Variants in LRP1B observed in about 807,000 individuals in gnomAD.
The protein encoded by LRP1B is LDL receptor related protein 1B, also known as low-density lipoprotein receptor-related protein 1B.
In LRP1B, 217 loss-of-function variants were observed where a neutral mutation model predicts 556.6. The ratio of observed to expected loss-of-function variants is 0.39; its 90% CI spans 0.35 to 0.44. LRP1B has a LOEUF of 0.44. Among genes scored for constraint, LRP1B ranks in the 20% least tolerant of loss-of-function variants. LRP1B has a pLI of 1.00. For synonymous variants in LRP1B, 2,047 were observed against 1,865.8 expected, an observed-to-expected ratio of 1.10 and a Z score of -2.50; for missense variants, 5,053 against 5,620.8, an observed-to-expected ratio of 0.90 and a Z score of 3.23.
intron 2 of LRP1B, among the ~76,000 whole-genome samples, chr2:141,768,194 T>C (rs1240439426): frequency 1.3e-5 from 2 of 152,156 alleles, no homozygotes; most frequent in African/African-American, 4.8e-5. Context: ...TAATATTCTT[T>C]CCATGCACTT....
chr2:140,884,976 G>A (rs1248963044), intron 24 of LRP1B, among the ~76,000 whole-genome samples: 2 of 152,116 alleles, frequency 1.3e-5, no homozygotes, highest in Non-Finnish European at 2.9e-5. Flanking sequence ...GCCTCCCAAA[G>A]TGCTGGGGTT....
intron 2 of LRP1B, among the ~76,000 whole-genome samples, chr2:141,685,658 G>A (rs1558803497): frequency 6.6e-6 from 1 of 152,036 alleles, no homozygotes; most frequent in Non-Finnish European, 1.5e-5. Context: ...ATGTAGAAAG[G>A]TCAGGCAAAG....
At chr2:140,396,666 CTATT>C (rs777840478) in intron 66 of LRP1B, among the ~76,000 whole-genome samples, 2 of 152,114 alleles carry the variant, frequency 1.3e-5, no homozygotes, top group Non-Finnish European at 2.9e-5. Flanking sequence ...ATAGTAAACA[CTATT>C]TAATAGCTAG....
intron 67 of LRP1B, among the ~76,000 whole-genome samples, chr2:140,385,042 G>T (rs1683697681): frequency 6.6e-6 from 1 of 152,080 alleles, no homozygotes; most frequent in East Asian, 1.9e-4. Context: ...GGGCCCAAAA[G>T]TTAGAGATCA....
intron 11 of LRP1B, among the ~76,000 whole-genome samples, chr2:141,040,087 T>A (rs912986458): frequency 6.6e-6 from 1 of 152,098 alleles, no homozygotes; most frequent in Non-Finnish European, 1.5e-5. Flanking sequence ...TTGACAAATA[T>A]CTCCTTTACA....
At chr2:142,000,070 A>G (rs959338049) in intron 1 of LRP1B, among the ~76,000 whole-genome samples, 5 of 151,198 alleles carry the variant, frequency 3.3e-5, no homozygotes, top group African/African-American at 9.7e-5. Flanking sequence ...AAAGTATAAG[A>G]TGATAACAAT....
chr2:140,439,222 A>G (rs139897027), intron 66 of LRP1B, among the ~76,000 whole-genome samples: 104 of 152,290 alleles, frequency 6.8e-4, no homozygotes, highest in Non-Finnish European at 1.3e-3. Flanking sequence ...AGCTGCTACA[A>G]TTGGGATATT....
intron 2 of LRP1B, among the ~76,000 whole-genome samples, chr2:141,695,854 A>G (rs1449303292): frequency 6.6e-6 from 1 of 151,968 alleles, no homozygotes; most frequent in Non-Finnish European, 1.5e-5. Flanking sequence ...GCTGTGGCCT[A>G]TATATTCTTT....
intron 43 of LRP1B, among the ~76,000 whole-genome samples, chr2:140,554,884 G>GTGTATATA (rs56040453): frequency 4.7e-5 from 7 of 148,658 alleles, no homozygotes; most frequent in South Asian, 4.3e-4. Flanking sequence ...GTGTGTGTGT[G>GTGTATATA]TATATGTATA....
chr2:140,691,079 A>G (rs1035386173), intron 41 of LRP1B, among the ~76,000 whole-genome samples: 1 of 152,238 alleles, frequency 6.6e-6, no homozygotes, highest in African/African-American at 2.4e-5. Context: ...AAAAAGAACA[A>G]TTAACAAAAT....
chr2:141,130,873 A>G (rs1041381486), intron 7 of LRP1B, among the ~76,000 whole-genome samples: 11 of 152,168 alleles, frequency 7.2e-5, no homozygotes, highest in Non-Finnish European at 2.9e-5. Flanking sequence ...TGTCTTTTGC[A>G]GGGACATGGA....
At chr2:141,838,204 A>C (rs1697354237) in intron 1 of LRP1B, among the ~76,000 whole-genome samples, 1 of 152,084 alleles carries the variant, frequency 6.6e-6, no homozygotes, top group Non-Finnish European at 1.5e-5. Context: ...TCACAGTCTC[A>C]TGAAGACATA....
chr2:141,017,745 A>C (rs1697947749), intron 12 of LRP1B, among the ~76,000 whole-genome samples: 2 of 151,892 alleles, frequency 1.3e-5, no homozygotes, highest in African/African-American at 4.8e-5. Context: ...CTGTAATCCC[A>C]GCACTTTGGG....
intron 2 of LRP1B, among the ~76,000 whole-genome samples, chr2:141,544,308 T>TTCTTCTTCTTCTTCTTCTTCTTC (rs1685397538): frequency 1.0e-4 from 1 of 9,710 alleles, no homozygotes; most frequent in Non-Finnish European, 1.6e-4. Flanking sequence ...CTTCTTCTTC[T>TTCTTCTTCTTCTTCTTCTTCTTC]TCTTCTTCTT....
chr2:141,188,173 G>A (rs1558920666), intron 7 of LRP1B, among the ~76,000 whole-genome samples: 1 of 151,978 alleles, frequency 6.6e-6, no homozygotes, highest in South Asian at 2.1e-4. Flanking sequence ...TCTTGGGAAG[G>A]TGGAAGGGAA....
intron 2 of LRP1B, among the ~76,000 whole-genome samples, chr2:141,796,254 T>C (rs948543579): frequency 4.6e-5 from 7 of 152,046 alleles, no homozygotes; most frequent in African/African-American, 1.7e-4. Context: ...ATAGTTGTGG[T>C]AATGCCAACC....
intron 67 of LRP1B, among the ~76,000 whole-genome samples, chr2:140,381,680 T>A (rs1013714219): frequency 6.6e-6 from 1 of 151,494 alleles, no homozygotes; most frequent in East Asian, 1.9e-4. Flanking sequence ...CTGGCCAACA[T>A]GGTGAAAACC....
At chr2:140,689,379 A>G (rs946348126) in intron 41 of LRP1B, among the ~76,000 whole-genome samples, 2 of 152,142 alleles carry the variant, frequency 1.3e-5, no homozygotes, top group African/African-American at 4.8e-5. Flanking sequence ...TCTGCATGTC[A>G]TTTCCCTTTT....
intron 61 of LRP1B, 126 bp from the exon 62 acceptor site, chr2:140,456,729 CTCA>C: frequency 4.8e-6 from 3 of 625,702 alleles, no homozygotes; most frequent in Non-Finnish European, 7.4e-6. Flanking sequence ...TACTCAAGAA[CTCA>C]TCAAGACTAT....
Sources: allele counts gnomAD v4.1 joint callset (sites outside exome capture counted in the v4.1 genomes callset), GRCh38; gene constraint gnomAD v4.1.1; transcripts MANE v1.5; gene names NCBI Gene and HGNC (gene_info 2026-07-23, HGNC 2026-07-21).